The following CLDN10 variants were observed in gnomAD, a reference collection of about 807,000 sequenced individuals.
The protein encoded by CLDN10 is claudin 10.
CLDN10 carries 15 observed loss-of-function variants against 22.9 expected under a neutral mutation model. The observed-to-expected ratio is 0.65, with a 90% CI of 0.44 to 1.01. The LOEUF is 1.01. Among genes scored for constraint, CLDN10 ranks in the 50% least tolerant of loss-of-function variants. The pLI, the probability that CLDN10 is intolerant of heterozygous loss-of-function variation, is 0.00. For missense variants in CLDN10, 247 were observed against 287.8 expected (o/e 0.86, Z 1.03); for synonymous variants, 114 against 111.4 (o/e 1.02, Z -0.15).
At chr13:95,434,097 C>G in intron 1 of CLDN10, 2 of 1,520,040 alleles carry the variant, frequency 1.3e-6, no homozygotes, top group South Asian at 1.1e-5. Flanking sequence ...ACTTTTCCCC[C>G]CGACTGTGCT....
At chr13:95,510,712 T>C (rs372986688) in intron 1 of CLDN10, among the ~76,000 whole-genome samples, 1 of 152,080 alleles carries the variant, frequency 6.6e-6, no homozygotes, top group African/African-American at 2.4e-5. Context: ...TTATACACTA[T>C]GAAAACAATT....
intron 1 of CLDN10, among the ~76,000 whole-genome samples, chr13:95,509,404 G>C (rs2043072260): frequency 6.6e-6 from 1 of 152,098 alleles, no homozygotes; most frequent in African/African-American, 2.4e-5. Flanking sequence ...AATTGGCTGG[G>C]GGTCAGGTCT....
At chr13:95,536,313 G>A (rs2043399515) in intron 1 of CLDN10, among the ~76,000 whole-genome samples, 1 of 152,032 alleles carries the variant, frequency 6.6e-6, no homozygotes, top group South Asian at 2.1e-4. Flanking sequence ...AGCTAGCATG[G>A]TGACATACAC....
At chr13:95,475,621 G>C (rs2042678062) in intron 1 of CLDN10, among the ~76,000 whole-genome samples, 1 of 152,182 alleles carries the variant, frequency 6.6e-6, no homozygotes, top group Non-Finnish European at 1.5e-5. Flanking sequence ...TGGGCCCCTG[G>C]TGAGGGTGAC....
At position 95,480,342 on chromosome 13, in the gene CLDN10, A is replaced by G. The variant is rs368880341; in HGVS notation, c.214+46295A>G. 3.9e-4 allele frequency among the ~76,000 whole-genome samples: 59 copies of G among 152,334 alleles called. 1 individual carries two copies. The highest frequency in any genetic ancestry group is 1.4e-3 in the African/African-American group (57 of 41,566). On this transcript the variant is annotated intron_variant, in intron 1 of 4. Transcript: ENST00000376873. Reference sequence around the variant, plus strand: ...CATTGACTCAGACACTTCCTTCGGTAGAGCAGTCTCTGAAGGCCCTGTATT... The same window carrying G: ...CATTGACTCAGACACTTCCTTCGGTGGAGCAGTCTCTGAAGGCCCTGTATT...
chr13:95,459,398 C>G (rs535617136), intron 1 of CLDN10, among the ~76,000 whole-genome samples: 1 of 152,354 alleles, frequency 6.6e-6, no homozygotes, highest in Non-Finnish European at 1.5e-5. Flanking sequence ...CTGCCACAAA[C>G]TTCTTCCTGG....
At chr13:95,548,081 C>A (rs2043528418), upstream of CLDN10, among the ~76,000 whole-genome samples, 1 of 152,194 alleles carries the variant, frequency 6.6e-6, no homozygotes, top group Non-Finnish European at 1.5e-5. Context: ...AACTCAGAGA[C>A]ATAAAATCAC....
At chr13:95,534,983 C>G (rs2043385217) in intron 1 of CLDN10, among the ~76,000 whole-genome samples, 1 of 152,094 alleles carries the variant, frequency 6.6e-6, no homozygotes, top group Non-Finnish European at 1.5e-5. Context: ...GAGAGAGTGA[C>G]TCTCAGGCCT....
intron 1 of CLDN10, among the ~76,000 whole-genome samples, chr13:95,542,632 C>T (rs965358326): frequency 2.0e-5 from 3 of 151,866 alleles, no homozygotes; most frequent in African/African-American, 7.3e-5. Flanking sequence ...CATGATGAAA[C>T]CCCATCTGTA....
chr13:95,486,510 G>A (rs1436163395), intron 1 of CLDN10, among the ~76,000 whole-genome samples: 1 of 67,612 alleles, frequency 1.5e-5, no homozygotes, highest in Non-Finnish European at 2.7e-5. Context: ...GCAACACAGT[G>A]AGACCCCATC....
At chr13:95,523,043 C>T (rs1343337594) in intron 1 of CLDN10, among the ~76,000 whole-genome samples, 1 of 151,818 alleles carries the variant, frequency 6.6e-6, no homozygotes, top group African/African-American at 2.4e-5. Context: ...TCATTTACAT[C>T]TAATATATTT....
At chr13:95,545,946 T>C (rs2043505035) in intron 1 of CLDN10, among the ~76,000 whole-genome samples, 1 of 152,170 alleles carries the variant, frequency 6.6e-6, no homozygotes, top group Non-Finnish European at 1.5e-5. Flanking sequence ...TCTAATGAAG[T>C]CTTCTTACTG....
chr13:95,533,817 C>T (rs189212537), intron 1 of CLDN10: 4 of 152,538 alleles, frequency 2.6e-5, no homozygotes, highest in African/African-American at 7.2e-5. Flanking sequence ...GGCCCCAACC[C>T]TGCTTCTCCC....
intron 1 of CLDN10, among the ~76,000 whole-genome samples, chr13:95,475,335 C>A (rs1203234412): frequency 6.6e-6 from 1 of 152,182 alleles, no homozygotes; most frequent in African/African-American, 2.4e-5. Context: ...GCACCTGGTC[C>A]CCAGAGACTG....
intron 1 of CLDN10, among the ~76,000 whole-genome samples, chr13:95,557,780 G>A (rs1163857104): frequency 6.6e-6 from 1 of 152,154 alleles, no homozygotes; most frequent in South Asian, 2.1e-4. Context: ...ATCTCAGAGT[G>A]AGAAACTCGG....
chr13:95,435,422 T>C (rs982696494), intron 1 of CLDN10, among the ~76,000 whole-genome samples: 14 of 152,164 alleles, frequency 9.2e-5, no homozygotes, highest in Non-Finnish European at 1.9e-4. Context: ...TAGTCTACAA[T>C]GAGTGCCAGG....
intron 1 of CLDN10, among the ~76,000 whole-genome samples, chr13:95,477,009 T>C (rs1193593981): frequency 1.3e-5 from 2 of 152,070 alleles, no homozygotes; most frequent in African/African-American, 4.8e-5. Context: ...TGCAGACAAG[T>C]TGGGAACCAG....
At chr13:95,524,454 C>T (rs1424448320) in intron 1 of CLDN10, among the ~76,000 whole-genome samples, 1 of 152,170 alleles carries the variant, frequency 6.6e-6, no homozygotes, top group African/African-American at 2.4e-5. Context: ...TAATATAATG[C>T]TTTCAAAAGT....
At chr13:95,535,487 C>T (rs909625769) in intron 1 of CLDN10, among the ~76,000 whole-genome samples, 2 of 150,276 alleles carry the variant, frequency 1.3e-5, no homozygotes, top group African/African-American at 4.9e-5. Flanking sequence ...CTCAGGAACA[C>T]TCATAACTTG....
Sources: allele counts gnomAD v4.1 joint callset (sites outside exome capture counted in the v4.1 genomes callset), GRCh38; gene constraint gnomAD v4.1.1; transcripts MANE v1.5; gene names NCBI Gene and HGNC (gene_info 2026-07-23, HGNC 2026-07-21).